CERS1: variants seen among roughly 807,000 people sequenced by gnomAD.
CERS1 encodes Embryonic growth/differentiation factor 1.
Under a neutral mutation model 35.7 loss-of-function variants are expected in CERS1, and 16 were observed. That is an observed-to-expected ratio of 0.45 (90% CI 0.30 to 0.68). The LOEUF (loss-of-function observed/expected upper bound fraction) is 0.68, where lower values mean the gene tolerates loss of function less well. Ranked by LOEUF, CERS1 falls within the 30% of genes least tolerant of loss-of-function variation. The probability of loss-of-function intolerance (pLI) is 0.08; values close to 1 mark genes in which losing one functional copy is unlikely to be tolerated. For synonymous variants in CERS1, 243 were observed against 201.6 expected (o/e 1.21, Z -1.74); for missense variants, 454 against 453.9 (o/e 1.00, Z 0.00).
chr19:18,877,961 A>T (rs529982729), intron 6 of CERS1: 2 of 984,680 alleles, frequency 2.0e-6, no homozygotes, highest in African/African-American at 3.5e-5. Context: ...CCCAAGGCGA[A>T]TCTGATGGGT....
Position 18,869,113 on chromosome 19 carries a change from G to A in CERS1, c.*872C>T, listed in dbSNP as rs1402117332. On this transcript the variant is annotated 3_prime_UTR_variant, in exon 8 of 8. Coordinates refer to ENST00000623882, the MANE Select transcript of CERS1 (RefSeq NM_021267.5). ...GCCATGAGGCGTTGCGAGCCCAAGC[G>A]GCGCCCAGCAGCTCCGCGCGCACTG... 9.2e-6 allele frequency: 10 copies of A among 1,084,948 alleles called. No individual in the cohort carries two copies. The highest frequency in any genetic ancestry group is 5.1e-5 in the African/African-American group (3 of 58,598). The allele number at this position is 1,084,948 out of a possible 1,614,324, so 67.2% of individuals were successfully genotyped here.
Position 18,880,297 on chromosome 19 carries a change from G to A in CERS1, c.729C>T (p.Gly243=), listed in dbSNP as rs749902200. Residue 243 remains glycine, a synonymous_variant, in exon 4 of 8, where the codon GGC becomes GGT. Coordinates refer to ENST00000623882, the MANE Select transcript of CERS1 (RefSeq NM_021267.5). ...ACCAGCTGAAGCCGAAGCTGAGGCA[G>A]CCCAAGTCTGCTGCCAAGGCATGCA... The part of the protein sequence containing the change: ...HRLHALAADL[G]CLSFGFSWFW... 14 of 1,551,774 alleles carry A rather than the reference G, an allele frequency of 9.0e-6. No individual in the cohort carries two copies. Among genetic ancestry groups the A allele is most frequent in the Non-Finnish European group, 1.1e-5 (13 of 1,147,878 alleles).
At chr19:18,872,121 G>T (rs1201914296) in intron 6 of CERS1, among the ~76,000 whole-genome samples, 1 of 152,248 alleles carries the variant, frequency 6.6e-6, no homozygotes, top group Admixed American at 6.5e-5. Flanking sequence ...AGTTCCCACA[G>T]AGAGTATAGA....
At chr19:18,882,000 G>GGGTT (rs2056223650) in intron 3 of CERS1, 1 of 153,932 alleles carries the variant, frequency 6.5e-6, no homozygotes, top group Admixed American at 6.5e-5. Context: ...AGCAGACACA[G>GGGTT]GGTTTCACCA....
intron 2 of CERS1, among the ~76,000 whole-genome samples, chr19:18,888,945 G>GTGGTGGTGTGATCT (rs2056429616): frequency 6.9e-6 from 1 of 144,168 alleles, no homozygotes; most frequent in South Asian, 2.2e-4. Context: ...AGGCTGGAGT[G>GTGGTGGTGTGATCT]CAGTAGCATG....
At chr19:18,884,416 T>G in intron 2 of CERS1, 149 bp from the exon 3 acceptor site, 1 of 671,776 alleles carries the variant, frequency 1.5e-6, no homozygotes, top group Non-Finnish European at 2.3e-6. Context: ...TTCCCAATTC[T>G]ATTTTTTTTT....
rs1024215413 is a variant in CERS1 at position 18,881,510 on chromosome 19, G to A, written c.591-1075C>T. ...GCTGGGATTACAGGTGTGAGCCACC[G>A]TGCCCGGCCCCATTAGGATCTTAAT... On this transcript the variant is annotated intron_variant, in intron 3 of 7. Transcript: ENST00000623882. Among the ~76,000 whole-genome samples the A allele has an allele frequency of 5.9e-5, 9 of 151,918 alleles. No individual in the cohort carries two copies. The South Asian group carries it at 8.3e-4, about 14-fold the overall frequency.
intron 6 of CERS1, among the ~76,000 whole-genome samples, chr19:18,872,660 C>T (rs988272572): frequency 3.3e-5 from 5 of 152,232 alleles, no homozygotes; most frequent in East Asian, 3.9e-4. Context: ...GGATTACAGG[C>T]GCCTGCCACC....
chr19:18,876,743 G>A (rs921048880), intron 6 of CERS1, among the ~76,000 whole-genome samples: 6 of 152,088 alleles, frequency 3.9e-5, no homozygotes, highest in Admixed American at 3.3e-4. Context: ...GGGAGTAGAG[G>A]GAGCTCCTGT....
chr19:18,871,253 A>G (rs2055965656), intron 6 of CERS1, among the ~76,000 whole-genome samples: 1 of 136,098 alleles, frequency 7.3e-6, no homozygotes, highest in East Asian at 2.1e-4. Context: ...TTGAGACAGA[A>G]TCTTGCTCTG....
chr19:18,883,829 G>A (rs726407), intron 3 of CERS1, among the ~76,000 whole-genome samples: 68,118 of 151,840 alleles, frequency 0.45, 15,671 homozygotes, highest in South Asian at 0.56. Flanking sequence ...GGGTGGGGTG[G>A]CTATGGCTCT....
chr19:18,887,224 C>G (rs923223878), intron 2 of CERS1, among the ~76,000 whole-genome samples: 1 of 152,180 alleles, frequency 6.6e-6, no homozygotes, highest in African/African-American at 2.4e-5. Context: ...ACCCCAAAAA[C>G]ATGATGCTGA....
chr19:18,876,268 G>C (rs976412608), intron 6 of CERS1, among the ~76,000 whole-genome samples: 3 of 152,178 alleles, frequency 2.0e-5, no homozygotes, highest in Non-Finnish European at 2.9e-5. Flanking sequence ...TTACAGGCGT[G>C]AGCCACCGCG....
chr19:18,884,019 C>G lies in CERS1; in HGVS notation c.590+68G>C, dbSNP rs534528962. On this transcript the variant is annotated intron_variant, in intron 3 of 7. Coordinates refer to ENST00000623882, the MANE Select transcript of CERS1 (RefSeq NM_021267.5). ...CTCCACGGCCTCCTCTGTGCCCCGCCGCAACATCAGCCTCCGCACTCTGTG... is the reference window on the plus strand; with the variant it reads ...CTCCACGGCCTCCTCTGTGCCCCGCGGCAACATCAGCCTCCGCACTCTGTG... 4.0e-6 allele frequency: 6 copies of G among 1,516,382 alleles called. No homozygotes were observed. The African/African-American group carries it at 6.9e-5, about 17-fold the overall frequency. The allele number at this position is 1,516,382 out of a possible 1,614,324, so 93.9% of individuals were successfully genotyped here.
chr19:18,871,132 A>T (rs2055962342), intron 6 of CERS1, among the ~76,000 whole-genome samples: 1 of 149,948 alleles, frequency 6.7e-6, no homozygotes. Context: ...TCCAGGCTAG[A>T]GCTGTGGCAC....
intron 4 of CERS1, 145 bp from the exon 5 acceptor site, chr19:18,879,533 C>T: frequency 9.9e-7 from 1 of 1,012,358 alleles, no homozygotes; most frequent in South Asian, 1.7e-5. Context: ...CTGCTCTGTC[C>T]TTCCCCTCCC....
At chr19:18,896,167 GGC>G (rs983026303), upstream of CERS1, 19 of 379,682 alleles carry the variant, frequency 5.0e-5, no homozygotes, top group Admixed American at 3.3e-4. The surrounding 1 kb of genome is among the most constrained non-coding windows in gnomAD (Gnocchi z 5.9). Context: ...CTGGGCCGGG[GGC>G]GCGCGGGCGG....
At chr19:18,873,562 G>A (rs933007240) in intron 6 of CERS1, among the ~76,000 whole-genome samples, 1 of 152,062 alleles carries the variant, frequency 6.6e-6, no homozygotes, top group Non-Finnish European at 1.5e-5. Flanking sequence ...CCGGGGCCAA[G>A]CATGGTGGCT....
chr19:18,869,404 A>G lies in CERS1; in HGVS notation c.*595-14T>C, dbSNP rs4808864. ...GGGTGGGCGCACCTGGGGAGGTAGG[A>G]ACAGGAACTCGGCTCGCGCTGCGTC... On this transcript the variant is annotated splice_polypyrimidine_tract_variant and intron_variant, in intron 7 of 7. Transcript: ENST00000623882. The G allele has an allele frequency of 1, 1,527,884 of 1,528,212 alleles. 763,778 individuals carry two copies. The highest frequency in any genetic ancestry group is 1 in the Middle Eastern group (4,334 of 4,334). The allele number at this position is 1,528,212 out of a possible 1,614,324, so 94.7% of individuals were successfully genotyped here.
Sources: gnomAD v4.1 joint callset for allele counts (sites outside exome capture counted in the v4.1 genomes callset) on GRCh38, gnomAD v4.1.1 for gene constraint, Gnocchi (gnomAD v3.1) non-coding constraint, MANE v1.5 for transcripts, NCBI Gene and HGNC (gene_info 2026-07-23, HGNC 2026-07-21) for gene names.